Variants in MACROD2 observed in about 807,000 individuals in gnomAD.
The protein encoded by MACROD2 is ADP-ribose glycohydrolase MACROD2.
Under a neutral mutation model 70.4 loss-of-function variants are expected in MACROD2, and 36 were observed. That is an observed-to-expected ratio of 0.51 (90% CI 0.39 to 0.68). The LOEUF (loss-of-function observed/expected upper bound fraction) is 0.68, where lower values mean the gene tolerates loss of function less well. MACROD2 is among the 30% of genes least tolerant of loss of function. The pLI is 0.00. For missense variants in MACROD2, 496 were observed against 538.4 expected (o/e 0.92, Z 0.78); for synonymous variants, 172 against 178.8 (o/e 0.96, Z 0.30).
chr20:14,025,621 C>G (rs779708462), intron 2 of MACROD2, among the ~76,000 whole-genome samples: 2 of 152,140 alleles, frequency 1.3e-5, no homozygotes, highest in African/African-American at 4.8e-5. Flanking sequence ...CATTCAGGAG[C>G]AGGTTGTTTA....
At chr20:14,781,075 C>A (rs1009661640) in intron 5 of MACROD2, among the ~76,000 whole-genome samples, 3 of 151,972 alleles carry the variant, frequency 2.0e-5, no homozygotes, top group African/African-American at 7.3e-5. Context: ...TCTCTGTTTG[C>A]TGTTTTGAAA....
chr20:15,802,632 G>A (rs4267572), intron 8 of MACROD2, among the ~76,000 whole-genome samples: 6,551 of 151,994 alleles, frequency 0.043, 552 homozygotes, highest in African/African-American at 0.15. Flanking sequence ...AGAACAAACC[G>A]AATCCAAAAT....
At chr20:15,453,844 A>G (rs538380728) in intron 7 of MACROD2, among the ~76,000 whole-genome samples, 3 of 152,138 alleles carry the variant, frequency 2.0e-5, no homozygotes, top group Non-Finnish European at 2.9e-5. Context: ...TCTAGGGTCT[A>G]TGCCAGTGCT....
chr20:14,861,885 C>T (rs1215230136), intron 5 of MACROD2, among the ~76,000 whole-genome samples: 1 of 140,336 alleles, frequency 7.1e-6, no homozygotes, highest in Non-Finnish European at 1.5e-5. Flanking sequence ...CTGGGATGTA[C>T]ATACTTATGG....
chr20:14,966,508 C>G (rs1458425306), intron 5 of MACROD2, among the ~76,000 whole-genome samples: 1 of 152,098 alleles, frequency 6.6e-6, no homozygotes, highest in African/African-American at 2.4e-5. Context: ...GCCAGGTTGT[C>G]AAGGGTGCAG....
chr20:15,052,630 CCT>C (rs1315983417), intron 5 of MACROD2, among the ~76,000 whole-genome samples: 8 of 152,172 alleles, frequency 5.3e-5, no homozygotes, highest in Admixed American at 1.3e-4. Flanking sequence ...CTGTCATTCC[CCT>C]GTCTGTCTCC....
At chr20:14,477,031 C>T (rs1386273213) in intron 3 of MACROD2, among the ~76,000 whole-genome samples, 1 of 152,036 alleles carries the variant, frequency 6.6e-6, no homozygotes, top group Admixed American at 6.6e-5. Flanking sequence ...GACTACTAGG[C>T]AGTGAGAGTT....
intron 8 of MACROD2, among the ~76,000 whole-genome samples, chr20:15,583,806 G>A (rs189895357): frequency 6.6e-6 from 1 of 152,204 alleles, no homozygotes; most frequent in Admixed American, 6.5e-5. Flanking sequence ...ACCACGCCCG[G>A]CTTTTTATAT....
At chr20:15,968,291 A>G (rs957683209) in intron 13 of MACROD2, among the ~76,000 whole-genome samples, 2 of 152,206 alleles carry the variant, frequency 1.3e-5, no homozygotes, top group Non-Finnish European at 2.9e-5. Flanking sequence ...GCTAGAAGAA[A>G]ATGGAGTCAC....
At chr20:15,744,851 A>G (rs1174669798) in intron 8 of MACROD2, among the ~76,000 whole-genome samples, 1 of 152,056 alleles carries the variant, frequency 6.6e-6, no homozygotes, top group Non-Finnish European at 1.5e-5. Context: ...TATTTTTATT[A>G]TACTTTAAGT....
chr20:14,848,724 G>A (rs1205420590), intron 5 of MACROD2, among the ~76,000 whole-genome samples: 1 of 152,078 alleles, frequency 6.6e-6, no homozygotes, highest in Admixed American at 6.5e-5. Flanking sequence ...ATTCTACCTA[G>A]AGAGGCATTT....
At position 14,002,329 on chromosome 20, in the gene MACROD2, T is replaced by C. The variant is rs879702588; in HGVS notation, c.88T>C (p.Tyr30His). 1 of 1,609,378 alleles carries C rather than the reference T, an allele frequency of 6.2e-7. No homozygotes were observed. Among genetic ancestry groups the C allele is most frequent in the Non-Finnish European group, 8.5e-7 (1 of 1,178,248 alleles). ...GACCTTAGAAGAGAGACGCAAAGAATACCTAAGAGACTATATTCCCCTGAA... is the reference window on the plus strand; with the variant it reads ...GACCTTAGAAGAGAGACGCAAAGAACACCTAAGAGACTATATTCCCCTGAA... ...KMTLEERRKE[Y>H]LRDYIPLNSI... Residue 30 changes from tyrosine to histidine, a missense_variant, in exon 2 of 18, where the codon TAC becomes CAC. Physicochemically the swap from Tyr to His is moderately conservative, Grantham distance 83. Coordinates refer to ENST00000684519, the MANE Select transcript of MACROD2 (RefSeq NM_001351661.2).
intron 5 of MACROD2, among the ~76,000 whole-genome samples, chr20:15,067,682 CTA>C (rs1436017594): frequency 6.6e-6 from 1 of 151,938 alleles, no homozygotes; most frequent in Non-Finnish European, 1.5e-5. Flanking sequence ...TTTCAGATGA[CTA>C]TGTTTTTCAA....
chr20:15,783,046 T>A (rs1014918681), intron 8 of MACROD2, among the ~76,000 whole-genome samples: 2 of 152,166 alleles, frequency 1.3e-5, no homozygotes, highest in Non-Finnish European at 2.9e-5. Context: ...TCTTTCTTTT[T>A]TAAATTTTCT....
Position 15,021,192 on chromosome 20 carries a change from A to G in MACROD2, c.419-208748A>G, listed in dbSNP as rs555050074. Reference sequence around the variant, plus strand: ...TATACACATACAGGTGTGCGTATACACACACCTGTGTGTATGTATACACAT... The same window carrying G: ...TATACACATACAGGTGTGCGTATACGCACACCTGTGTGTATGTATACACAT... On this transcript the variant is annotated intron_variant, in intron 5 of 17. Transcript: ENST00000684519. Among the ~76,000 whole-genome samples the G allele has an allele frequency of 2.5e-4, 30 of 119,624 alleles. 1 individual carries two copies. The highest frequency in any genetic ancestry group is 6.3e-4 in the East Asian group (2 of 3,170). 78.5% of individuals were successfully genotyped at this position (119,624 alleles called of 152,430 possible). A position where few individuals can be genotyped will look rare whatever the true frequency, so the allele number is the denominator to read the frequency against.
At position 16,035,047 on chromosome 20, in the gene MACROD2, TATAGA is replaced by T. The variant is rs1952409662; in HGVS notation, c.1154-6150_1154-6146del. On this transcript the variant is annotated intron_variant, in intron 15 of 17. Transcript: ENST00000684519. ...CATATAACTAATATATAAAATATAA[TATAGA>T]ATATAAAATATTATATATAAAATAT... 2.1e-5 allele frequency among the ~76,000 whole-genome samples: 3 copies of T among 140,566 alleles called. No individual in the cohort carries two copies. The South Asian group carries it at 6.4e-4, about 30-fold the overall frequency. 92.2% of individuals were successfully genotyped at this position (140,566 alleles called of 152,430 possible). A position where few individuals can be genotyped will look rare whatever the true frequency, so the allele number is the denominator to read the frequency against.
intron 8 of MACROD2, among the ~76,000 whole-genome samples, chr20:15,823,209 A>G (rs879409185): frequency 9.9e-5 from 15 of 152,144 alleles, no homozygotes; most frequent in Admixed American, 6.6e-4. Flanking sequence ...TAAAATCTGC[A>G]CTTTTCAAAT....
intron 5 of MACROD2, among the ~76,000 whole-genome samples, chr20:15,082,689 A>G (rs1181178051): frequency 6.6e-6 from 1 of 152,132 alleles, no homozygotes; most frequent in African/African-American, 2.4e-5. Context: ...CCCTTTTGAA[A>G]TTAATGAAGA....
chr20:14,856,847 T>C (rs973402224), intron 5 of MACROD2, among the ~76,000 whole-genome samples: 2 of 152,118 alleles, frequency 1.3e-5, no homozygotes, highest in East Asian at 1.9e-4. Flanking sequence ...ATTGTATGGA[T>C]AATAATATGT....
Sources: gnomAD v4.1 joint callset for allele counts (sites outside exome capture counted in the v4.1 genomes callset) on GRCh38, gnomAD v4.1.1 for gene constraint, MANE v1.5 for transcripts, NCBI Gene and HGNC (gene_info 2026-07-23, HGNC 2026-07-21) for gene names.